GSK3B: variants seen among roughly 807,000 people sequenced by gnomAD.
GSK3B encodes the protein glycogen synthase kinase 3 beta.
GSK3B carries 15 observed loss-of-function variants against 56.4 expected under a neutral mutation model. The ratio of observed to expected loss-of-function variants is 0.27; its 90% CI spans 0.18 to 0.41. The LOEUF (loss-of-function observed/expected upper bound fraction) is 0.41, where lower values mean the gene tolerates loss of function less well. GSK3B is among the 10% of genes least tolerant of loss of function. The probability of loss-of-function intolerance (pLI) is 1.00; values close to 1 mark genes in which losing one functional copy is unlikely to be tolerated. For missense variants in GSK3B, 300 were observed against 513.4 expected (o/e 0.58, Z 4.02); for synonymous variants, 181 against 188.9 (o/e 0.96, Z 0.34).
At chr3:119,967,992 A>G (rs1031750160) in intron 2 of GSK3B, among the ~76,000 whole-genome samples, 4 of 152,014 alleles carry the variant, frequency 2.6e-5, no homozygotes, top group Non-Finnish European at 5.9e-5. Context: ...AGTAGCTGGG[A>G]TTACAGGCAC....
At chr3:119,910,490 T>C (rs532952366) in intron 6 of GSK3B, among the ~76,000 whole-genome samples, 35 of 152,334 alleles carry the variant, frequency 2.3e-4, no homozygotes, top group African/African-American at 7.9e-4. Flanking sequence ...AAAAAAATGC[T>C]AATGATCATC....
chr3:120,077,227 A>C (rs2058374459), intron 1 of GSK3B, among the ~76,000 whole-genome samples: 1 of 152,206 alleles, frequency 6.6e-6, no homozygotes, highest in African/African-American at 2.4e-5. Context: ...TCCCACGTTC[A>C]CTACAGCATT....
chr3:120,053,429 T>G (rs559532132), intron 1 of GSK3B, among the ~76,000 whole-genome samples: 3 of 152,196 alleles, frequency 2.0e-5, no homozygotes, highest in Non-Finnish European at 4.4e-5. Context: ...AATCAGTAAT[T>G]TCATTCAAAG....
At chr3:119,893,978 TG>T (rs1159394599) in intron 7 of GSK3B, among the ~76,000 whole-genome samples, 2 of 152,078 alleles carry the variant, frequency 1.3e-5, no homozygotes, top group Non-Finnish European at 2.9e-5. Context: ...TCATCACTGC[TG>T]TCTAATTTTA....
chr3:119,990,996 G>T (rs1474766352), intron 2 of GSK3B, among the ~76,000 whole-genome samples: 2 of 152,128 alleles, frequency 1.3e-5, no homozygotes, highest in South Asian at 4.1e-4. Flanking sequence ...TAACAATAGT[G>T]ATACCTCACA....
chr3:119,837,339 G>A (rs925554383), intron 10 of GSK3B, among the ~76,000 whole-genome samples: 4 of 82,094 alleles, frequency 4.9e-5, no homozygotes, highest in African/African-American at 1.8e-4. Flanking sequence ...TTTTTTTTTT[G>A]TATATTTAGT....
intron 9 of GSK3B, among the ~76,000 whole-genome samples, chr3:119,851,328 T>C (rs16830567): frequency 0.24 from 36,847 of 152,096 alleles, 4,930 homozygotes; most frequent in East Asian, 0.48. Context: ...AAGCAGTCTT[T>C]TCCAATGGAA....
rs180743448 is a variant in GSK3B at position 120,003,436 on chromosome 3, C to G, written c.89-1197G>C. Among the ~76,000 whole-genome samples the G allele has an allele frequency of 9.8e-5, 15 of 152,328 alleles. No individual in the cohort carries two copies. The East Asian group carries it at 2.9e-3, about 29-fold the overall frequency. On this transcript the variant is annotated intron_variant, in intron 1 of 10. Coordinates refer to ENST00000264235, the MANE Select transcript of GSK3B (RefSeq NM_001146156.2). ...CAAAAATGTCTACTGTTTCTTCTCT[C>G]TTCCCTGACAAATCTAAAACCAATT... is the stretch of plus-strand genomic sequence containing the variant.
intron 1 of GSK3B, among the ~76,000 whole-genome samples, chr3:120,015,648 T>A (rs2057818120): frequency 2.3e-5 from 1 of 44,002 alleles, no homozygotes. Flanking sequence ...AGACTCTGTC[T>A]CAAAAAAAAA....
At chr3:119,896,744 T>C (rs1229892798) in intron 7 of GSK3B, among the ~76,000 whole-genome samples, 5 of 152,168 alleles carry the variant, frequency 3.3e-5, no homozygotes, top group Non-Finnish European at 5.9e-5. Flanking sequence ...TAGTAAAACA[T>C]AGATCCTGAA....
chr3:119,913,985 A>G (rs79946748), intron 5 of GSK3B, among the ~76,000 whole-genome samples: 1 of 152,088 alleles, frequency 6.6e-6, no homozygotes, highest in Non-Finnish European at 1.5e-5. Context: ...AACAAGATAG[A>G]TGCTAATTAT....
At chr3:119,973,093 T>C (rs1047308379) in intron 2 of GSK3B, among the ~76,000 whole-genome samples, 2 of 152,184 alleles carry the variant, frequency 1.3e-5, no homozygotes, top group Non-Finnish European at 2.9e-5. Flanking sequence ...TGCCAGTCAT[T>C]GGATTAAGCA....
chr3:119,931,592 G>A (rs537239827), intron 3 of GSK3B, among the ~76,000 whole-genome samples: 82 of 152,174 alleles, frequency 5.4e-4, no homozygotes, highest in African/African-American at 1.9e-3. Flanking sequence ...TCCAGCCTAG[G>A]TGACAGAGCA....
intron 1 of GSK3B, among the ~76,000 whole-genome samples, chr3:120,089,153 C>G (rs891438489): frequency 1.3e-5 from 2 of 152,200 alleles, no homozygotes; most frequent in African/African-American, 4.8e-5. Flanking sequence ...AAGATGTCAC[C>G]TCATTTTCTA....
chr3:119,983,360 A>G (rs1463703400), intron 2 of GSK3B, among the ~76,000 whole-genome samples: 1 of 152,238 alleles, frequency 6.6e-6, no homozygotes, highest in African/African-American at 2.4e-5. Context: ...TAGCAATATT[A>G]ACCTTAAATG....
chr3:119,859,360 A>C (rs1243832024), intron 9 of GSK3B, among the ~76,000 whole-genome samples: 2 of 152,192 alleles, frequency 1.3e-5, no homozygotes, highest in Non-Finnish European at 2.9e-5. Flanking sequence ...AAATAGATGC[A>C]CTGACCTTAT....
intron 1 of GSK3B, among the ~76,000 whole-genome samples, chr3:120,073,931 T>C (rs2058348019): frequency 6.6e-6 from 1 of 152,078 alleles, no homozygotes; most frequent in Non-Finnish European, 1.5e-5. Flanking sequence ...AACAAACCCT[T>C]AGACTACACA....
intron 6 of GSK3B, among the ~76,000 whole-genome samples, chr3:119,911,352 C>A (rs892536941): frequency 6.6e-6 from 1 of 152,172 alleles, no homozygotes; most frequent in Non-Finnish European, 1.5e-5. Flanking sequence ...CTCATTGTTG[C>A]TCCATTTATG....
At chr3:119,911,409 T>C (rs1041682680) in intron 6 of GSK3B, among the ~76,000 whole-genome samples, 2 of 152,088 alleles carry the variant, frequency 1.3e-5, no homozygotes, top group Non-Finnish European at 2.9e-5. Flanking sequence ...GGCCCTAGGA[T>C]TTCTGGAATG....
Sources: allele counts gnomAD v4.1 joint callset (sites outside exome capture counted in the v4.1 genomes callset), GRCh38; gene constraint gnomAD v4.1.1; transcripts MANE v1.5; gene names NCBI Gene and HGNC (gene_info 2026-07-23, HGNC 2026-07-21).